Variants in KPNB1 observed in about 807,000 individuals in gnomAD.
The protein encoded by KPNB1 is karyopherin subunit beta 1.
Under a neutral mutation model 113.0 loss-of-function variants are expected in KPNB1, and 7 were observed. The ratio of observed to expected loss-of-function variants is 0.06; its 90% CI spans 0.04 to 0.12. The LOEUF (loss-of-function observed/expected upper bound fraction) is 0.12, where lower values mean the gene tolerates loss of function less well. Among genes scored for constraint, KPNB1 ranks in the 10% least tolerant of loss-of-function variants. The pLI is 1.00. For synonymous variants in KPNB1, 363 were observed against 378.6 expected (o/e 0.96, Z 0.48); for missense variants, 400 against 1,054.8 (o/e 0.38, Z 8.60).
In KPNB1 at chr17:47,667,563, T is replaced by G. The variant is rs76191002; in HGVS notation, c.1000-623T>G. ...ATTTATTATTATTTTTAATACTATG[T>G]TTTTTTTTTTTTCTGACAGAGTCTC... On this transcript the variant is annotated intron_variant, in intron 9 of 21. Transcript: ENST00000290158. Among the ~76,000 whole-genome samples the G allele has an allele frequency of 6.8e-3, 971 of 143,326 alleles. 7 individuals carry two copies. The highest frequency in any genetic ancestry group is 0.022 in the Middle Eastern group (6 of 274). The allele number at this position is 143,326 out of a possible 152,430, so 94.0% of individuals were successfully genotyped here. A position where few individuals can be genotyped will look rare whatever the true frequency, so the allele number is the denominator to read the frequency against.
At chr17:47,656,747 TAAG>T in intron 3 of KPNB1, 110 bp from the exon 4 acceptor site, 1 of 1,055,162 alleles carries the variant, frequency 9.5e-7, no homozygotes. Flanking sequence ...GACCCTGTCT[TAAG>T]AAAGAAAGAA....
chr17:47,663,286 C>G (rs868485255), intron 7 of KPNB1, 108 bp downstream of exon 7: 12 of 693,446 alleles, frequency 1.7e-5, no homozygotes, highest in Non-Finnish European at 2.9e-5. Flanking sequence ...ACTATGGAAT[C>G]AAGGAAATTC....
chr17:47,660,366 A>G (rs2030057774), intron 5 of KPNB1, among the ~76,000 whole-genome samples: 1 of 152,120 alleles, frequency 6.6e-6, no homozygotes, highest in Non-Finnish European at 1.5e-5. Context: ...ATCCATGGCC[A>G]TTTGGTTTGC....
chr17:47,681,057 G>T (rs75668026), intron 21 of KPNB1, among the ~76,000 whole-genome samples: 5 of 118,782 alleles, frequency 4.2e-5, no homozygotes, highest in East Asian at 4.8e-4. Flanking sequence ...ATGTTTTTTT[G>T]TGTGTGTGTG....
Position 47,649,948 on chromosome 17 carries a change from G to A in KPNB1, c.-297G>A. Reference sequence around the variant, plus strand: ...CCCTGCGCGCCGCCTCTCACTCACAGCCTCCCTTCCTTCTTTCTCCCTCCG... The same window carrying A: ...CCCTGCGCGCCGCCTCTCACTCACAACCTCCCTTCCTTCTTTCTCCCTCCG... On this transcript the variant is annotated 5_prime_UTR_variant, in exon 1 of 22. Coordinates refer to ENST00000290158, the MANE Select transcript of KPNB1 (RefSeq NM_002265.6). The A allele has an allele frequency of 7.7e-7, 1 of 1,305,446 alleles. No homozygotes were observed. 80.9% of individuals were successfully genotyped at this position (1,305,446 alleles called of 1,614,324 possible).
In KPNB1 at chr17:47,656,942, C is replaced by T; in HGVS notation, c.365C>T (p.Pro122Leu). 6.2e-7 allele frequency: 1 copy of T among 1,614,114 alleles called. No homozygotes were observed. Among genetic ancestry groups the T allele is most frequent in the African/African-American group, 1.3e-5 (1 of 74,996 alleles). ...CVAGIACAEI[P>L]VNQWPELIPQ... ...GCTGGTATTGCTTGTGCAGAGATCC[C>T]AGTAAACCAGTGGCCAGAACTCATT... The change falls in exon 4 of 22, where the codon CCA becomes CTA. Residue 122 changes from proline (P) to leucine (L), a missense_variant. Transcript: ENST00000290158.
intron 21 of KPNB1, among the ~76,000 whole-genome samples, chr17:47,681,331 C>T (rs963433367): frequency 1.4e-5 from 2 of 146,854 alleles, no homozygotes; most frequent in African/African-American, 2.5e-5. Context: ...TGCAGTGGTG[C>T]GATCTCAGCT....
chr17:47,661,454 T>C (rs1430822393), intron 6 of KPNB1, among the ~76,000 whole-genome samples: 1 of 151,842 alleles, frequency 6.6e-6, no homozygotes, highest in Non-Finnish European at 1.5e-5. Context: ...AAAAAAAAAT[T>C]AGCTGGGTGT....
At chr17:47,666,189 A>G (rs2030262491) in intron 9 of KPNB1, among the ~76,000 whole-genome samples, 1 of 151,890 alleles carries the variant, frequency 6.6e-6, no homozygotes, top group South Asian at 2.1e-4. Flanking sequence ...AGTAGCTGGA[A>G]GTACAGGTGC....
rs1447877869 is a variant in KPNB1 at position 47,651,656 on chromosome 17, A to G, written c.100-1038A>G. 2.0e-5 allele frequency among the ~76,000 whole-genome samples: 3 copies of G among 152,222 alleles called. No homozygotes were observed. The South Asian group carries it at 6.2e-4, about 31-fold the overall frequency. On this transcript the variant is annotated intron_variant, in intron 2 of 21. Transcript: ENST00000290158. ...AAAAGCTTTTTATCTTATTCCTAAC[A>G]TTCTTAACATTCTTTAGTGGTACAT...
chr17:47,675,361 G>GTTGTTTTTTTTTTTTTTTTTTTTT (rs1567894260), intron 15 of KPNB1, among the ~76,000 whole-genome samples: 8 of 88,692 alleles, frequency 9.0e-5, no homozygotes, highest in South Asian at 3.7e-4. Context: ...CAGAGGTGTT[G>GTTGTTTTTTTTTTTTTTTTTTTTT]TTTTTTTTTT....
rs1233876219 is a variant in KPNB1 at position 47,650,568 on chromosome 17, T to TC, written c.99+129dup. ...CGCCCCATCCCGTCCCCCTCCCCCC[T>TC]CCCCCTCCCCCCCCAACCCGGTCCA... On this transcript the variant is annotated intron_variant, in intron 2 of 21. Transcript: ENST00000290158. The TC allele has an allele frequency of 1.3e-4, 52 of 406,244 alleles. 1 individual carries two copies. Among genetic ancestry groups the TC allele is most frequent in the Admixed American group, 3.1e-4 (8 of 25,758 alleles). The allele number at this position is 406,244 out of a possible 1,614,324, so 25.2% of individuals were successfully genotyped here. A position where few individuals can be genotyped will look rare whatever the true frequency, so the allele number is the denominator to read the frequency against.
chr17:47,669,927 T>A (rs2030398641), intron 11 of KPNB1, 58 bp downstream of exon 11: 1 of 1,279,172 alleles, frequency 7.8e-7, no homozygotes, highest in African/African-American at 1.5e-5. Flanking sequence ...GGCAAGAAAG[T>A]AGAAGGTGTG....
chr17:47,669,319 G>T (rs576719413), intron 10 of KPNB1, among the ~76,000 whole-genome samples: 41 of 152,174 alleles, frequency 2.7e-4, no homozygotes, highest in African/African-American at 9.2e-4. Flanking sequence ...TGGTCAGGCT[G>T]GTCTTGAACT....
intron 20 of KPNB1, 120 bp from the exon 21 acceptor site, chr17:47,680,388 T>A (rs1360128326): frequency 1.7e-6 from 2 of 1,176,400 alleles, no homozygotes; most frequent in African/African-American, 3.1e-5. Context: ...TGACCTCTAC[T>A]GAGGGTTTTA....
rs1489986378 is a variant in KPNB1, at chr17:47,684,718, G to A, written c.*2314G>A. Reference sequence around the variant, plus strand: ...TTTGTTCCAGGGAAGCAGTTGATGAGTGCTGTTACTAATGCTTTCTCCCAG... The same window carrying A: ...TTTGTTCCAGGGAAGCAGTTGATGAATGCTGTTACTAATGCTTTCTCCCAG... On this transcript the variant is annotated 3_prime_UTR_variant, in exon 22 of 22. Coordinates refer to ENST00000290158, the MANE Select transcript of KPNB1 (RefSeq NM_002265.6). 2.0e-5 allele frequency: 3 copies of A among 152,596 alleles called. No homozygotes were observed. Among genetic ancestry groups the A allele is most frequent in the Non-Finnish European group, 4.4e-5 (3 of 68,042 alleles). The allele number at this position is 152,596 out of a possible 1,614,324, so 9.5% of individuals were successfully genotyped here. A position where few individuals can be genotyped will look rare whatever the true frequency, so the allele number is the denominator to read the frequency against.
intron 12 of KPNB1, among the ~76,000 whole-genome samples, chr17:47,671,067 C>G (rs2030429597): frequency 6.6e-6 from 1 of 152,214 alleles, no homozygotes. Flanking sequence ...AGCAGTCTGG[C>G]CAACATGGTG....
intron 17 of KPNB1, among the ~76,000 whole-genome samples, chr17:47,677,600 A>G: frequency 6.6e-6 from 1 of 152,206 alleles, no homozygotes; most frequent in Non-Finnish European, 1.5e-5. Flanking sequence ...GTAAAGTTAA[A>G]GGAATGTGTG....
intron 19 of KPNB1, chr17:47,678,628 G>A (rs1012850206): frequency 1.7e-5 from 9 of 514,722 alleles, no homozygotes; most frequent in African/African-American, 1.7e-4. Flanking sequence ...TTTGTTTTGA[G>A]ACGGAGTCTC....
Sources: gnomAD v4.1 joint callset for allele counts (sites outside exome capture counted in the v4.1 genomes callset) on GRCh38, gnomAD v4.1.1 for gene constraint, MANE v1.5 for transcripts, NCBI Gene and HGNC (gene_info 2026-07-23, HGNC 2026-07-21) for gene names.